The following VPS37A variants were observed in gnomAD, a reference collection of about 807,000 sequenced individuals.
VPS37A encodes the protein vacuolar protein sorting-associated protein 37A.
A neutral mutation model predicts 49.8 loss-of-function variants in VPS37A; 30 were observed. That is an observed-to-expected ratio of 0.60 (90% CI 0.45 to 0.82). The LOEUF is 0.82. Ranked by LOEUF, VPS37A falls within the 40% of genes least tolerant of loss-of-function variation. The probability of loss-of-function intolerance (pLI) is 0.00; values close to 1 mark genes in which losing one functional copy is unlikely to be tolerated. For missense variants in VPS37A, 593 were observed against 464.4 expected (o/e 1.28, Z -2.55); for synonymous variants, 195 against 160.6 (o/e 1.21, Z -1.62).
In VPS37A at chr8:17,274,906, G is replaced by A. The variant is rs1471909352; in HGVS notation, c.590G>A (p.Gly197Asp). 3.1e-6 allele frequency: 5 copies of A among 1,613,940 alleles called. 1 individual carries two copies. The South Asian group carries it at 5.5e-5, about 18-fold the overall frequency. The stretch of plus-strand genomic sequence containing the variant: ...GCCAAGCCTGCCGCTCCTTCATTTG[G>A]TGTCCTTTCAAATCTGCCATTACCC... The part of the protein sequence containing the change: ...TTAKPAAPSF[G>D]VLSNLPLPIP... The change falls in exon 5 of 12, where the codon GGT (glycine) becomes GAT (aspartate). Residue 197 changes from glycine to aspartate, a missense_variant. Transcript: ENST00000324849.
chr8:17,302,752 A>C (rs1230204501), downstream of VPS37A, among the ~76,000 whole-genome samples: 1 of 108,840 alleles, frequency 9.2e-6, no homozygotes, highest in Non-Finnish European at 1.7e-5. Flanking sequence ...CGCTCTTGTC[A>C]CCCAAACCGA....
intron 5 of VPS37A, 47 bp downstream of exon 5, chr8:17,275,005 T>G: frequency 1.3e-6 from 2 of 1,536,694 alleles, no homozygotes; most frequent in East Asian, 2.3e-5. Context: ...AAACATTCAT[T>G]CAATCCACAC....
intron 6 of VPS37A, 44 bp from the exon 7 acceptor site, chr8:17,279,984 T>G: frequency 1.2e-6 from 2 of 1,607,028 alleles, no homozygotes; most frequent in Non-Finnish European, 1.7e-6. Flanking sequence ...GGAGAAAAAC[T>G]CGATGTCTGA....
At chr8:17,283,092 A>G (rs1012144837) in intron 9 of VPS37A, among the ~76,000 whole-genome samples, 2 of 152,226 alleles carry the variant, frequency 1.3e-5, no homozygotes, top group South Asian at 4.1e-4. Context: ...GGCAAGGGCA[A>G]TGAGAAAATG....
chr8:17,253,306 C>T (rs555231485), intron 1 of VPS37A, among the ~76,000 whole-genome samples: 2 of 152,320 alleles, frequency 1.3e-5, no homozygotes, highest in East Asian at 1.9e-4. Flanking sequence ...TAACAGTTCT[C>T]TCTGCCTCCA....
intron 6 of VPS37A, 76 bp downstream of exon 6, chr8:17,276,543 A>G: frequency 1.4e-6 from 2 of 1,386,872 alleles, no homozygotes; most frequent in Admixed American, 2.3e-5. Context: ...TTTCATATCC[A>G]TATAAATTAA....
At chr8:17,306,721 A>G (rs1299153450), downstream of VPS37A, among the ~76,000 whole-genome samples, 2 of 152,196 alleles carry the variant, frequency 1.3e-5, no homozygotes, top group East Asian at 1.9e-4. Flanking sequence ...ATGAGCAATG[A>G]TCAGTTTTAG....
Position 17,280,405 on chromosome 8 carries a change from T to A in VPS37A, c.931T>A (p.Phe311Ile). The A allele has an allele frequency of 2.5e-6, 4 of 1,609,616 alleles. No homozygotes were observed. Among genetic ancestry groups the A allele is most frequent in the Non-Finnish European group, 3.4e-6 (4 of 1,178,506 alleles). The change falls in exon 9 of 12, where the codon TTC becomes ATC. Residue 311 changes from phenylalanine to isoleucine, a missense_variant. By Grantham distance (21) the Phe-to-Ile change is conservative. Transcript: ENST00000324849. ...ATTACTTACACAGATGAAGTCCACT[T>A]TCGAAAAGAAGATGCAAAGGCAGCA... The part of the protein sequence containing the change: ...YELLTQMKST[F>I]EKKMQRQHEL...
chr8:17,283,228 T>G (rs1337288489), intron 9 of VPS37A, among the ~76,000 whole-genome samples: 1 of 152,114 alleles, frequency 6.6e-6, no homozygotes, highest in Non-Finnish European at 1.5e-5. Flanking sequence ...CAGTTACAGC[T>G]CACTGCAGCC....
chr8:17,329,713 T>A, the VPS37A span, among the ~76,000 whole-genome samples: 2 of 152,310 alleles, frequency 1.3e-5, no homozygotes, highest in East Asian at 1.9e-4. Flanking sequence ...GCCTTTCCAA[T>A]AACAGTACCA....
At chr8:17,256,521 C>T (rs985381265) in intron 1 of VPS37A, among the ~76,000 whole-genome samples, 11 of 151,498 alleles carry the variant, frequency 7.3e-5, no homozygotes, top group Non-Finnish European at 1.3e-4. Flanking sequence ...TGTTTGAACT[C>T]CTCATGTATT....
intron 1 of VPS37A, among the ~76,000 whole-genome samples, chr8:17,250,875 CAA>C (rs1436205121): frequency 6.6e-6 from 1 of 152,150 alleles, no homozygotes; most frequent in Non-Finnish European, 1.5e-5. Flanking sequence ...AGTGTTTAAC[CAA>C]AGTGTTTAAG....
At chr8:17,260,421 G>T (rs10095374) in intron 1 of VPS37A, among the ~76,000 whole-genome samples, 76,043 of 151,878 alleles carry the variant, frequency 0.5, 23,125 homozygotes, top group African/African-American at 0.83. Flanking sequence ...CTTAACAGGT[G>T]GTTGTAGCTA....
intron 11 of VPS37A, among the ~76,000 whole-genome samples, chr8:17,292,204 C>T (rs182608885): frequency 8.6e-4 from 131 of 152,228 alleles, no homozygotes; most frequent in African/African-American, 2.9e-3. Context: ...CTACATTGAT[C>T]CCTTTACCAT....
chr8:17,283,012 C>G (rs1172597596), intron 9 of VPS37A, among the ~76,000 whole-genome samples: 2 of 152,068 alleles, frequency 1.3e-5, no homozygotes, highest in Admixed American at 6.5e-5. Flanking sequence ...TTCAACTTTA[C>G]TGTAATTTTT....
the VPS37A span, among the ~76,000 whole-genome samples, chr8:17,324,739 T>C: frequency 2.6e-5 from 4 of 152,172 alleles, no homozygotes; most frequent in Admixed American, 1.3e-4. Context: ...ATTTCCACTT[T>C]AATGGGAAAA....
At chr8:17,290,074 G>C (rs887833840) in intron 11 of VPS37A, among the ~76,000 whole-genome samples, 1 of 152,202 alleles carries the variant, frequency 6.6e-6, no homozygotes, top group Non-Finnish European at 1.5e-5. Context: ...TGCTGAAGTT[G>C]CTTATCAGCT....
intron 10 of VPS37A, among the ~76,000 whole-genome samples, chr8:17,285,149 G>A (rs1033757084): frequency 1.3e-5 from 2 of 152,132 alleles, no homozygotes; most frequent in African/African-American, 4.8e-5. Flanking sequence ...TTTGAGTGCT[G>A]TGAGAGGAAC....
At chr8:17,286,617 T>C (rs746623117) in intron 11 of VPS37A, 190 bp downstream of exon 11, 1 of 496,564 alleles carries the variant, frequency 2.0e-6, no homozygotes, top group South Asian at 3.5e-5. Flanking sequence ...AGAAATCTTT[T>C]GGATATTTTC....
Sources: allele counts gnomAD v4.1 joint callset (sites outside exome capture counted in the v4.1 genomes callset), GRCh38; gene constraint gnomAD v4.1.1; transcripts MANE v1.5; gene names NCBI Gene and HGNC (gene_info 2026-07-23, HGNC 2026-07-21).